PRKG1: variants seen among roughly 807,000 people sequenced by gnomAD.
PRKG1 encodes protein kinase cGMP-dependent 1.
A neutral mutation model predicts 88.1 loss-of-function variants in PRKG1; 35 were observed. The ratio of observed to expected loss-of-function variants is 0.40; its 90% CI spans 0.30 to 0.53. PRKG1 has a LOEUF of 0.53. Ranked by LOEUF, PRKG1 falls within the 20% of genes least tolerant of loss-of-function variation. The pLI is 0.59. For synonymous variants in PRKG1, 303 were observed against 292.5 expected, an observed-to-expected ratio of 1.04 and a Z score of -0.37; for missense variants, 540 against 839.8, an observed-to-expected ratio of 0.64 and a Z score of 4.41.
intron 3 of PRKG1, among the ~76,000 whole-genome samples, chr10:51,672,349 C>T (rs1227810343): frequency 2.0e-5 from 3 of 151,956 alleles, no homozygotes; most frequent in African/African-American, 7.2e-5. Context: ...TTCAAGTTTA[C>T]TAATTCTCTC....
At chr10:50,998,603 C>G in intron 1 of PRKG1, among the ~76,000 whole-genome samples, 1 of 149,034 alleles carries the variant, frequency 6.7e-6, no homozygotes, top group Non-Finnish European at 1.5e-5. Flanking sequence ...CAAAAATTAG[C>G]CAGGCATGGT....
intron 5 of PRKG1, among the ~76,000 whole-genome samples, chr10:52,028,298 A>G (rs1845394562): frequency 6.6e-6 from 1 of 152,072 alleles, no homozygotes; most frequent in South Asian, 2.1e-4. Context: ...ACATTCTATT[A>G]TGATCACTGC....
At chr10:51,368,466 AGGTCAT>A (rs148326597) in intron 2 of PRKG1, among the ~76,000 whole-genome samples, 5,424 of 152,136 alleles carry the variant, frequency 0.036, 178 homozygotes, top group African/African-American at 0.078. Flanking sequence ...GTATTACCTC[AGGTCAT>A]GGTCTATAGT....
At chr10:51,177,582 C>A (rs533155046) in intron 2 of PRKG1, among the ~76,000 whole-genome samples, 1 of 152,144 alleles carries the variant, frequency 6.6e-6, no homozygotes, top group African/African-American at 2.4e-5. Flanking sequence ...CTAGTGTTTG[C>A]TGAATGAATG....
At chr10:51,510,546 A>G (rs1342978312) in intron 3 of PRKG1, among the ~76,000 whole-genome samples, 3 of 152,170 alleles carry the variant, frequency 2.0e-5, no homozygotes, top group African/African-American at 7.2e-5. Flanking sequence ...AAACAGGTCT[A>G]CAATTTTAAT....
intron 1 of PRKG1, among the ~76,000 whole-genome samples, chr10:51,059,570 A>C (rs1012752828): frequency 6.6e-6 from 1 of 151,940 alleles, no homozygotes; most frequent in Admixed American, 6.6e-5. Context: ...CTTATTTCAA[A>C]ATTTTCAAAA....
At chr10:51,456,667 GA>G (rs1839594302) in intron 2 of PRKG1, among the ~76,000 whole-genome samples, 1 of 152,136 alleles carries the variant, frequency 6.6e-6, no homozygotes, top group Non-Finnish European at 1.5e-5. Context: ...CACAGAGTGG[GA>G]AAAAATATTC....
rs371598580 is a variant in PRKG1 at position 51,735,883 on chromosome 10, A to ATTTATTTATTTATT, written c.593-68701_593-68700insTTATTTATTTATTT. On this transcript the variant is annotated intron_variant, in intron 3 of 17. Transcript: ENST00000373980. ...TATATATATATATATATATATATGT[A>ATTTATTTATTTATT]TATTTATTTATTTATTTATTTATTT... is the stretch of plus-strand genomic sequence containing the variant. Among the ~76,000 whole-genome samples, 610 of 102,804 alleles carry ATTTATTTATTTATT rather than the reference A, an allele frequency of 5.9e-3. 3 individuals are homozygous for ATTTATTTATTTATT. The highest frequency in any genetic ancestry group is 0.016 in the African/African-American group (367 of 22,700). 67.4% of individuals were successfully genotyped at this position (102,804 alleles called of 152,430 possible).
At chr10:51,698,271 C>T in intron 3 of PRKG1, 2 of 1,614,076 alleles carry the variant, frequency 1.2e-6, no homozygotes, top group Non-Finnish European at 1.7e-6. Context: ...GTCTCTAAGA[C>T]CTCAGTTTCC....
At position 51,677,879 on chromosome 10, in the gene PRKG1, T is replaced by C. The variant is rs544639019; in HGVS notation, c.593-126706T>C. Among the ~76,000 whole-genome samples, 10 of 152,322 alleles carry C rather than the reference T, an allele frequency of 6.6e-5. No homozygotes were observed. In the South Asian group the frequency reaches 2.1e-3, roughly 32 times the overall value. Reference sequence around the variant, plus strand: ...GAATTGGGCAGGAGCATAGGTGAGATAGGGACATGGAAGATCCCATATTTT... The same window carrying C: ...GAATTGGGCAGGAGCATAGGTGAGACAGGGACATGGAAGATCCCATATTTT... On this transcript the variant is annotated intron_variant, in intron 3 of 17. Coordinates refer to ENST00000373980, the MANE Select transcript of PRKG1 (RefSeq NM_006258.4).
rs150837280 is a variant in PRKG1 at position 51,562,493 on chromosome 10, C to A, written c.592+94657C>A. The stretch of plus-strand genomic sequence containing the variant: ...TAGTAATCCATAGATACGTGTGCAT[C>A]TTTGTGTTATAAGGTAGAGGCTTAG... On this transcript the variant is annotated intron_variant, in intron 3 of 17. Coordinates refer to ENST00000373980, the MANE Select transcript of PRKG1 (RefSeq NM_006258.4). Among the ~76,000 whole-genome samples the A allele has an allele frequency of 5.4e-3, 828 of 152,080 alleles. 8 individuals are homozygous for A. Among genetic ancestry groups the A allele is most frequent in the African/African-American group, 0.019 (792 of 41,508 alleles).
intron 2 of PRKG1, among the ~76,000 whole-genome samples, chr10:51,329,461 C>A (rs780495198): frequency 1.3e-5 from 2 of 152,178 alleles, no homozygotes; most frequent in Non-Finnish European, 2.9e-5. Context: ...AAGTAATTTA[C>A]AAATACCATT....
chr10:51,950,881 A>C (rs978454927), intron 5 of PRKG1, among the ~76,000 whole-genome samples: 3 of 152,234 alleles, frequency 2.0e-5, no homozygotes, highest in Admixed American at 6.5e-5. Context: ...TGAGCAAGGC[A>C]GGGAGTTTTA....
intron 1 of PRKG1, among the ~76,000 whole-genome samples, chr10:51,058,119 A>C (rs1036185164): frequency 1.3e-5 from 2 of 152,048 alleles, no homozygotes; most frequent in Non-Finnish European, 2.9e-5. Context: ...GCAATTTTTC[A>C]TGTTTCTTGG....
chr10:51,855,870 C>T (rs1840667513), intron 4 of PRKG1, among the ~76,000 whole-genome samples: 1 of 152,222 alleles, frequency 6.6e-6, no homozygotes, highest in Non-Finnish European at 1.5e-5. Context: ...CAAATTACCA[C>T]AAACTTGACG....
intron 3 of PRKG1, among the ~76,000 whole-genome samples, chr10:51,714,117 C>T (rs1365997499): frequency 1.3e-5 from 2 of 152,060 alleles, no homozygotes; most frequent in Non-Finnish European, 2.9e-5. Context: ...GTAGCTGGGA[C>T]TACAGGCGCC....
intron 5 of PRKG1, among the ~76,000 whole-genome samples, chr10:52,011,373 G>A (rs1259670449): frequency 6.6e-6 from 1 of 152,160 alleles, no homozygotes; most frequent in Non-Finnish European, 1.5e-5. Flanking sequence ...AAAAATATGT[G>A]TCAGTGGTCA....
chr10:51,449,023 T>C (rs1564500754), intron 2 of PRKG1, among the ~76,000 whole-genome samples: 1 of 152,024 alleles, frequency 6.6e-6, no homozygotes, highest in Non-Finnish European at 1.5e-5. Flanking sequence ...AAGAAAAATA[T>C]GAATATAGAA....
chr10:52,025,101 T>C (rs1275254571), intron 5 of PRKG1, among the ~76,000 whole-genome samples: 5 of 152,252 alleles, frequency 3.3e-5, no homozygotes, highest in African/African-American at 7.2e-5. Context: ...CATTTTTTCA[T>C]GTGTCTGTTG....
Sources: gnomAD v4.1 joint callset for allele counts (sites outside exome capture counted in the v4.1 genomes callset) on GRCh38, gnomAD v4.1.1 for gene constraint, MANE v1.5 for transcripts, NCBI Gene and HGNC (gene_info 2026-07-23, HGNC 2026-07-21) for gene names.